Variants in STAB2 observed in about 807,000 individuals in gnomAD.
The protein encoded by STAB2 is stabilin 2, also known as stabilin-2.
STAB2 carries 288 observed loss-of-function variants against 338.1 expected under a neutral mutation model. The observed-to-expected ratio is 0.85, with a 90% CI of 0.77 to 0.94. The LOEUF (loss-of-function observed/expected upper bound fraction) is 0.94. STAB2 is among the 40% of genes least tolerant of loss of function. The probability of loss-of-function intolerance (pLI) is 0.00; values close to 1 mark genes in which losing one functional copy is unlikely to be tolerated. For synonymous variants in STAB2, 1,202 were observed against 1,193.3 expected, an observed-to-expected ratio of 1.01 and a Z score of -0.15; for missense variants, 3,141 against 3,210.1, an observed-to-expected ratio of 0.98 and a Z score of 0.52.
rs150601177 is a variant in STAB2, at chr12:103,615,846, C to T, written c.332-4622C>T. ...TATAAAGCCATCAGATCTCGTGAGA[C>T]TCATTCACTATCACAAGAACAGCAC... On this transcript the variant is annotated intron_variant, in intron 3 of 68. Transcript: ENST00000388887. Among the ~76,000 whole-genome samples the T allele has an allele frequency of 2.0e-3, 301 of 152,296 alleles. 2 individuals are homozygous for T. Among genetic ancestry groups the T allele is most frequent in the African/African-American group, 7.0e-3 (290 of 41,552 alleles).
At chr12:103,677,344 A>G (rs1463841265) in intron 24 of STAB2, 109 bp from the exon 25 acceptor site, 8 of 1,416,078 alleles carry the variant, frequency 5.6e-6, no homozygotes, top group African/African-American at 1.4e-5. Flanking sequence ...ACCTCACTCA[A>G]TGCAAATCTG....
chr12:103,613,549 G>A (rs546856838), intron 3 of STAB2, among the ~76,000 whole-genome samples: 7 of 152,324 alleles, frequency 4.6e-5, no homozygotes, highest in South Asian at 2.1e-4. Context: ...CGCAGTATCA[G>A]GGTGGGGGTG....
chr12:103,594,429 C>G lies in STAB2; in HGVS notation c.250C>G (p.Leu84Val). 6.2e-7 allele frequency: 1 copy of G among 1,613,962 alleles called. No homozygotes were observed. The highest frequency in any genetic ancestry group is 1.1e-5 in the South Asian group (1 of 91,058). Residue 84 changes from leucine to valine, a missense_variant, in exon 3 of 69, where the codon CTC becomes GTC. Physicochemically the swap from Leu to Val is conservative, Grantham distance 32. Transcript: ENST00000388887. ...TGAGGTCAGAACATACTCTCTGTCT[C>G]TCCCCGGATGCCGCCATATTTGTAG... Reference protein sequence around the residue: ...TFEVRTYSLSLPGCRHICRKD... With the variant: ...TFEVRTYSLSVPGCRHICRKD...
intron 56 of STAB2, among the ~76,000 whole-genome samples, chr12:103,744,795 T>G (rs1400318985): frequency 6.6e-6 from 1 of 152,134 alleles, no homozygotes; most frequent in East Asian, 1.9e-4. Flanking sequence ...TTAAATAGAT[T>G]TCTCCATCAG....
Position 103,746,153 on chromosome 12 carries a change from T to A in STAB2, c.6137-444T>A, listed in dbSNP as rs374617786. Among the ~76,000 whole-genome samples, 24 of 152,248 alleles carry A rather than the reference T, an allele frequency of 1.6e-4. No individual in the cohort carries two copies. The East Asian group carries it at 1.7e-3, about 11-fold the overall frequency. Reference sequence around the variant, plus strand: ...ACTACATGGCCTCCTGCTGCCTGCATGCACTGTAACCCCAGCCAATACCAA... The same window carrying A: ...ACTACATGGCCTCCTGCTGCCTGCAAGCACTGTAACCCCAGCCAATACCAA... On this transcript the variant is annotated intron_variant, in intron 57 of 68. Transcript: ENST00000388887.
chr12:103,652,689 T>A lies in STAB2; in HGVS notation c.1391T>A (p.Ile464Asn). Residue 464 changes from isoleucine (I) to asparagine (N), a missense_variant, in exon 12 of 69, where the codon ATC becomes AAC. Physicochemically the swap from Ile to Asn is moderately radical, Grantham distance 149. Transcript: ENST00000388887. ...FYTLTGKSGEIFNSDKDNQIK... is the reference protein window; with the variant it reads ...FYTLTGKSGENFNSDKDNQIK... ...ACCTTGACTGGAAAGTCGGGGGAAA[T>A]CTTCAACAGCGATAAGGTAAGGGTT... The A allele has an allele frequency of 6.2e-7, 1 of 1,600,164 alleles. No individual in the cohort carries two copies. The highest frequency in any genetic ancestry group is 1.2e-5 in the South Asian group (1 of 86,556).
At chr12:103,590,145 A>G (rs1956774234) in intron 1 of STAB2, among the ~76,000 whole-genome samples, 1 of 152,208 alleles carries the variant, frequency 6.6e-6, no homozygotes, top group Admixed American at 6.5e-5. Context: ...GATCCTAAAG[A>G]GTGCCAAATT....
intron 6 of STAB2, among the ~76,000 whole-genome samples, chr12:103,636,251 T>C (rs995900507): frequency 7.7e-5 from 11 of 143,700 alleles, no homozygotes; most frequent in Non-Finnish European, 1.5e-4. Flanking sequence ...CCTGTGTCCA[T>C]GCGTTCTCAT....
chr12:103,696,751 G>C (rs1201741365), intron 33 of STAB2, among the ~76,000 whole-genome samples: 1 of 152,158 alleles, frequency 6.6e-6, no homozygotes, highest in Non-Finnish European at 1.5e-5. Flanking sequence ...ACCAAGGAAA[G>C]GCCAGGGACG....
Position 103,640,131 on chromosome 12 carries a change from C to A in STAB2, c.915C>A (p.Cys305Ter). The change falls in exon 9 of 69, where the codon TGC becomes TGA. Residue 305 changes from cysteine to a stop codon, truncating the protein, a stop_gained. Transcript: ENST00000388887. LOFTEE classifies it high-confidence loss of function. ...CTTCCTGTCTACTGAAGTCTCACTG[C>A]GAGTGTAAGGAGCATTACCAGAATT... The part of the protein sequence containing the change: ...CKYDGPGQSH[C>*]ECKEHYQNFV... 2 of 1,611,240 alleles carry A rather than the reference C, an allele frequency of 1.2e-6. No homozygotes were observed. Among genetic ancestry groups the A allele is most frequent in the Non-Finnish European group, 1.7e-6 (2 of 1,178,176 alleles).
intron 8 of STAB2, among the ~76,000 whole-genome samples, chr12:103,639,461 G>A (rs12317816): frequency 0.063 from 9,522 of 152,048 alleles, 982 homozygotes; most frequent in African/African-American, 0.22. Context: ...CCAACACTCC[G>A]GGAGGCTGAG....
chr12:103,610,611 A>G (rs1163166625), intron 3 of STAB2, among the ~76,000 whole-genome samples: 2 of 151,822 alleles, frequency 1.3e-5, no homozygotes, highest in African/African-American at 4.8e-5. Context: ...GCGGTCTATC[A>G]ATTTTGTTGA....
At chr12:103,689,704 G>T in intron 28 of STAB2, 142 bp from the exon 29 acceptor site, 2 of 991,214 alleles carry the variant, frequency 2.0e-6, no homozygotes, top group Non-Finnish European at 2.9e-6. Context: ...GCAACAGCCA[G>T]TGGGTGGGGT....
intron 47 of STAB2, 123 bp downstream of exon 47, chr12:103,727,473 C>A: frequency 1.8e-6 from 2 of 1,104,892 alleles, no homozygotes; most frequent in Non-Finnish European, 1.4e-6. Context: ...GTGGAACTCA[C>A]CAGCAATAGA....
intron 27 of STAB2, among the ~76,000 whole-genome samples, chr12:103,687,839 G>A (rs1318580193): frequency 6.6e-6 from 1 of 152,184 alleles, no homozygotes; most frequent in Non-Finnish European, 1.5e-5. Context: ...CCCCCACTTA[G>A]CGTCTAGGTA....
At chr12:103,714,737 A>G (rs1008987923) in intron 42 of STAB2, among the ~76,000 whole-genome samples, 1 of 151,094 alleles carries the variant, frequency 6.6e-6, no homozygotes, top group Non-Finnish European at 1.5e-5. Context: ...CTCTCTTTGT[A>G]TATATACATT....
intron 11 of STAB2, among the ~76,000 whole-genome samples, chr12:103,651,196 A>G (rs1873714194): frequency 6.6e-6 from 1 of 152,150 alleles, no homozygotes; most frequent in Non-Finnish European, 1.5e-5. Context: ...CGATTTGTAT[A>G]CAACTTATTA....
At chr12:103,605,843 T>G (rs986717744) in intron 3 of STAB2, among the ~76,000 whole-genome samples, 1 of 152,052 alleles carries the variant, frequency 6.6e-6, no homozygotes. Flanking sequence ...TTTAACATAA[T>G]TGTATATTTA....
At chr12:103,638,282 T>C in intron 8 of STAB2, 70 bp downstream of exon 8, 2 of 1,500,512 alleles carry the variant, frequency 1.3e-6, no homozygotes, top group Non-Finnish European at 1.8e-6. Flanking sequence ...CAGGTATCAT[T>C]TGTCTTCTAT....
Sources: allele counts gnomAD v4.1 joint callset (sites outside exome capture counted in the v4.1 genomes callset), GRCh38; gene constraint gnomAD v4.1.1; transcripts MANE v1.5; gene names NCBI Gene and HGNC (gene_info 2026-07-23, HGNC 2026-07-21).